The following POU2F1 variants were observed in gnomAD, a reference collection of about 807,000 sequenced individuals.
POU2F1 encodes POU class 2 homeobox 1.
Under a neutral mutation model 84.9 loss-of-function variants are expected in POU2F1, and 16 were observed. The ratio of observed to expected loss-of-function variants is 0.19; its 90% CI spans 0.13 to 0.29. The LOEUF (loss-of-function observed/expected upper bound fraction) is 0.29. Ranked by LOEUF, POU2F1 falls within the 10% of genes least tolerant of loss-of-function variation. The pLI, the probability that POU2F1 is intolerant of heterozygous loss-of-function variation, is 1.00. For synonymous variants in POU2F1, 368 were observed against 368.3 expected (o/e 1.00, Z 0.01); for missense variants, 738 against 942.6 (o/e 0.78, Z 2.84).
At chr1:167,329,376 A>G in intron 1 of POU2F1, 9 of 1,501,086 alleles carry the variant, frequency 6.0e-6, no homozygotes, top group Non-Finnish European at 6.3e-6. Flanking sequence ...TTGACTATGC[A>G]TAAATGCTTA....
In POU2F1 at chr1:167,416,881, AC is replaced by A. The variant is rs1180900783; in HGVS notation, c.*1073del. ...CCCAAGAGCAAAGACTACTGCAGAC[AC>A]CTGACTTGGTGGTTCTCCTGATTTC... On this transcript the variant is annotated 3_prime_UTR_variant, in exon 16 of 16. Coordinates refer to ENST00000367866, the MANE Select transcript of POU2F1 (RefSeq NM_002697.4). The A allele has an allele frequency of 2.6e-5, 4 of 152,110 alleles. No homozygotes were observed. The highest frequency in any genetic ancestry group is 9.7e-5 in the African/African-American group (4 of 41,392). 9.4% of individuals were successfully genotyped at this position (152,110 alleles called of 1,614,324 possible). A position where few individuals can be genotyped will look rare whatever the true frequency, so the allele number is the denominator to read the frequency against.
intron 1 of POU2F1, among the ~76,000 whole-genome samples, chr1:167,325,339 T>A (rs1370838849): frequency 6.6e-6 from 1 of 152,154 alleles, no homozygotes; most frequent in African/African-American, 2.4e-5. Context: ...CAATAATTGT[T>A]GAGTCAGACA....
intron 1 of POU2F1, among the ~76,000 whole-genome samples, chr1:167,291,552 A>G (rs775821833): frequency 7.2e-5 from 11 of 152,152 alleles, no homozygotes; most frequent in Admixed American, 5.9e-4. Flanking sequence ...AACAAGTGAT[A>G]TATTTGTAAG....
intron 1 of POU2F1, chr1:167,329,221 A>T (rs1280160706): frequency 6.5e-7 from 1 of 1,539,114 alleles, no homozygotes; most frequent in Non-Finnish European, 8.8e-7. Flanking sequence ...CCCACCCCAA[A>T]CTGCTACCTG....
At chr1:167,311,168 A>G (rs527270536) in intron 1 of POU2F1, among the ~76,000 whole-genome samples, 118 of 152,286 alleles carry the variant, frequency 7.7e-4, no homozygotes, top group African/African-American at 2.7e-3. Flanking sequence ...CACAAAACAA[A>G]AAAATCTCCA....
intron 1 of POU2F1, among the ~76,000 whole-genome samples, chr1:167,246,407 C>T (rs1234719995): frequency 6.6e-6 from 1 of 152,138 alleles, no homozygotes; most frequent in Non-Finnish European, 1.5e-5. Flanking sequence ...AATATATGCT[C>T]ATTTAATCTT....
At chr1:167,345,826 A>G (rs561169899) in intron 2 of POU2F1, among the ~76,000 whole-genome samples, 52 of 152,256 alleles carry the variant, frequency 3.4e-4, no homozygotes, top group African/African-American at 1.2e-3. Context: ...AAGTCTCAAC[A>G]GCTGGTAAGT....
At position 167,416,088 on chromosome 1, in the gene POU2F1, A is replaced by T. The variant is rs1201075457; in HGVS notation, c.*278A>T. ...TTGGAGAACTTTCTAACCAAAAATTAAAAAAAAAAAAAAAAAAAGAAACAA... is the reference window on the plus strand; with the variant it reads ...TTGGAGAACTTTCTAACCAAAAATTTAAAAAAAAAAAAAAAAAAGAAACAA... On this transcript the variant is annotated 3_prime_UTR_variant, in exon 16 of 16. Coordinates refer to ENST00000367866, the MANE Select transcript of POU2F1 (RefSeq NM_002697.4). The T allele has an allele frequency of 8.6e-4, 21 of 24,412 alleles. No homozygotes were observed. The East Asian group carries it at 0.023, about 27-fold the overall frequency. 1.5% of individuals were successfully genotyped at this position (24,412 alleles called of 1,614,324 possible).
intron 1 of POU2F1, among the ~76,000 whole-genome samples, chr1:167,221,307 C>G (rs945273009): frequency 1.6e-4 from 24 of 150,400 alleles, no homozygotes; most frequent in African/African-American, 5.8e-4. Context: ...CGAACCCGAG[C>G]GGGTCCGCGG....
chr1:167,338,389 GC>G (rs1657610129), intron 2 of POU2F1: 2 of 359,670 alleles, frequency 5.6e-6, no homozygotes, highest in Admixed American at 7.1e-5. Context: ...TCAACAGTAG[GC>G]TATTAGTATT....
In POU2F1 at chr1:167,332,429, C is replaced by T. The variant is rs376566067; in HGVS notation, c.62-41C>T. On this transcript the variant is annotated intron_variant, in intron 1 of 15. Coordinates refer to ENST00000367866, the MANE Select transcript of POU2F1 (RefSeq NM_002697.4). The stretch of plus-strand genomic sequence containing the variant: ...TGCCTCCTCAATCCCATCTCCATCC[C>T]CAGTTTTTTAAAAACCTTATTCTCC... 23 of 1,516,856 alleles carry T rather than the reference C, an allele frequency of 1.5e-5. No individual in the cohort carries two copies. In the African/African-American group the frequency reaches 2.8e-4, roughly 18 times the overall value. 94.0% of individuals were successfully genotyped at this position (1,516,856 alleles called of 1,614,324 possible).
At chr1:167,335,259 G>A (rs1657368093) in intron 2 of POU2F1, among the ~76,000 whole-genome samples, 1 of 152,148 alleles carries the variant, frequency 6.6e-6, no homozygotes, top group Non-Finnish European at 1.5e-5. Context: ...TTCATTAAGA[G>A]ATAAGACAGA....
At chr1:167,221,926 C>T (rs10082006) in intron 1 of POU2F1, among the ~76,000 whole-genome samples, 95,412 of 151,866 alleles carry the variant, frequency 0.63, 31,880 homozygotes, top group East Asian at 0.87. Context: ...GTCGGCAGCC[C>T]CTTTGCGTTG....
chr1:167,319,829 C>T (rs892654296), intron 1 of POU2F1, among the ~76,000 whole-genome samples: 4 of 152,082 alleles, frequency 2.6e-5, no homozygotes, highest in East Asian at 3.9e-4. Flanking sequence ...TTCCAATCCT[C>T]GAGGATTAAC....
At chr1:167,303,044 C>T (rs1654824736) in intron 1 of POU2F1, among the ~76,000 whole-genome samples, 1 of 152,056 alleles carries the variant, frequency 6.6e-6, no homozygotes, top group South Asian at 2.1e-4. Flanking sequence ...CTGTATGGAT[C>T]TATTGCTATC....
Position 167,323,027 on chromosome 1 carries a change from T to C in POU2F1, c.62-9443T>C, listed in dbSNP as rs542890838. ...CACAGTGCTGCAGAGATTTTGTTTA[T>C]GGCCATTTTGGGGGCCTGTCTATGG... is the stretch of plus-strand genomic sequence containing the variant. On this transcript the variant is annotated intron_variant, in intron 1 of 15. Transcript: ENST00000367866. Among the ~76,000 whole-genome samples, 14 of 152,346 alleles carry C rather than the reference T, an allele frequency of 9.2e-5. 1 individual carries two copies. In the South Asian group the frequency reaches 1.9e-3, roughly 20 times the overall value.
intron 1 of POU2F1, among the ~76,000 whole-genome samples, chr1:167,229,148 T>C (rs1280376318): frequency 6.9e-6 from 1 of 145,626 alleles, no homozygotes; most frequent in East Asian, 2.1e-4. Flanking sequence ...TGCTAGGCAG[T>C]AGGAAGTCAC....
At chr1:167,239,350 G>T (rs1279446360) in intron 1 of POU2F1, among the ~76,000 whole-genome samples, 1 of 152,162 alleles carries the variant, frequency 6.6e-6, no homozygotes, top group Non-Finnish European at 1.5e-5. Flanking sequence ...ATGCTATCAA[G>T]ACATAGTTAA....
chr1:167,267,227 A>G (rs1652030828), intron 1 of POU2F1, among the ~76,000 whole-genome samples: 1 of 148,894 alleles, frequency 6.7e-6, no homozygotes, highest in South Asian at 2.1e-4. Flanking sequence ...TGTAAAAAGG[A>G]AAAAAAAAAC....
Sources: allele counts gnomAD v4.1 joint callset (sites outside exome capture counted in the v4.1 genomes callset), GRCh38; gene constraint gnomAD v4.1.1; transcripts MANE v1.5; gene names NCBI Gene and HGNC (gene_info 2026-07-23, HGNC 2026-07-21).